TJP1: variants seen among roughly 807,000 people sequenced by gnomAD.
TJP1 encodes tight junction protein ZO-1.
Under a neutral mutation model 194.2 loss-of-function variants are expected in TJP1, and 43 were observed. That is an observed-to-expected ratio of 0.22 (90% CI 0.17 to 0.29). The LOEUF is 0.29. Ranked by LOEUF, TJP1 falls within the 10% of genes least tolerant of loss-of-function variation. The pLI is 1.00. For synonymous variants in TJP1, 801 were observed against 779.0 expected (o/e 1.03, Z -0.47); for missense variants, 1,971 against 2,185.7 (o/e 0.90, Z 1.96).
At chr15:29,719,700 T>TA (rs2042809222) in intron 20 of TJP1, 77 bp downstream of exon 20, 2 of 1,550,046 alleles carry the variant, frequency 1.3e-6, no homozygotes, top group East Asian at 4.5e-5. Flanking sequence ...AAGGAACACT[T>TA]AAAGGGCAAA....
At chr15:29,762,262 A>G (rs879595221) in intron 6 of TJP1, 73 bp downstream of exon 6, 29 of 1,267,516 alleles carry the variant, frequency 2.3e-5, no homozygotes, top group Non-Finnish European at 3.1e-5. Flanking sequence ...TTCAAACAAG[A>G]GCACAGACTA....
At chr15:29,726,732 G>C (rs2043261390) in intron 17 of TJP1, 49 bp downstream of exon 17, 1 of 1,563,136 alleles carries the variant, frequency 6.4e-7, no homozygotes. Context: ...CCTACTTAAT[G>C]TTGCCCAGAC....
chr15:29,822,049 C>T lies in TJP1; in HGVS notation c.-21G>A. On this transcript the variant is annotated 5_prime_UTR_variant, in exon 1 of 28. Coordinates refer to ENST00000614355, the MANE Select transcript of TJP1 (RefSeq NM_001330239.4). ...GACATCTTGTCTCTCTCCAGCGCCGCGCGAGGCTCCTCGGACCCGAAACTC... is the reference window on the plus strand; with the variant it reads ...GACATCTTGTCTCTCTCCAGCGCCGTGCGAGGCTCCTCGGACCCGAAACTC... 7.6e-7 allele frequency: 1 copy of T among 1,307,982 alleles called. No homozygotes were observed. Among genetic ancestry groups the T allele is most frequent in the Non-Finnish European group, 9.7e-7 (1 of 1,027,560 alleles). 81.0% of individuals were successfully genotyped at this position (1,307,982 alleles called of 1,614,324 possible).
chr15:29,721,291 G>A (rs1444931237), intron 18 of TJP1, among the ~76,000 whole-genome samples: 1 of 152,112 alleles, frequency 6.6e-6, no homozygotes, highest in Non-Finnish European at 1.5e-5. Flanking sequence ...CATGGGGGTG[G>A]TTTCTAATGG....
At chr15:29,805,598 G>T (rs546396036) in intron 1 of TJP1, among the ~76,000 whole-genome samples, 1 of 152,178 alleles carries the variant, frequency 6.6e-6, no homozygotes, top group Admixed American at 6.5e-5. Context: ...GCCAAAAAAA[G>T]GTCCCTCTCC....
intron 2 of TJP1, among the ~76,000 whole-genome samples, chr15:29,798,648 G>A (rs1172668738): frequency 3.3e-5 from 5 of 152,036 alleles, no homozygotes; most frequent in Non-Finnish European, 5.9e-5. Flanking sequence ...ATTACCATGG[G>A]ACCCACAGCA....
chr15:29,729,437 C>G (rs779861413), intron 15 of TJP1: 1 of 152,016 alleles, frequency 6.6e-6, no homozygotes, highest in Non-Finnish European at 1.5e-5. Flanking sequence ...CCTTATTCAA[C>G]TTCATTGGCA....
chr15:29,962,282 T>C (rs1490930311), intron 1 of TJP1, among the ~76,000 whole-genome samples: 1 of 152,204 alleles, frequency 6.6e-6, no homozygotes, highest in Non-Finnish European at 1.5e-5. Flanking sequence ...CAGATATTCA[T>C]GCCTTTTGTT....
intron 8 of TJP1, among the ~76,000 whole-genome samples, chr15:29,756,914 A>C (rs898496045): frequency 6.6e-5 from 10 of 152,218 alleles, no homozygotes. Flanking sequence ...GTTAAATACA[A>C]GCAGATAAGA....
intron 8 of TJP1, among the ~76,000 whole-genome samples, chr15:29,748,525 T>G (rs934979736): frequency 1.3e-5 from 2 of 151,596 alleles, no homozygotes; most frequent in Admixed American, 1.3e-4. Context: ...ATTGTGAGGT[T>G]GTGATAATGA....
intron 2 of TJP1, among the ~76,000 whole-genome samples, chr15:29,900,249 G>T (rs1468350231): frequency 6.6e-6 from 1 of 152,200 alleles, no homozygotes. Context: ...AGCTACAGGG[G>T]AAAGAGAAGG....
At chr15:29,801,779 A>T (rs2048806748) in intron 1 of TJP1, among the ~76,000 whole-genome samples, 1 of 152,084 alleles carries the variant, frequency 6.6e-6, no homozygotes, top group Non-Finnish European at 1.5e-5. Context: ...ATTATTATCT[A>T]AGGCAGGGGT....
chr15:29,936,657 T>C (rs1196661284), intron 2 of TJP1, among the ~76,000 whole-genome samples: 2 of 152,174 alleles, frequency 1.3e-5, no homozygotes, highest in Non-Finnish European at 2.9e-5. Context: ...CCAATCAGTG[T>C]CCTGACAAGA....
upstream of TJP1, among the ~76,000 whole-genome samples, chr15:29,825,761 T>G (rs1012359924): frequency 1.3e-5 from 2 of 152,158 alleles, no homozygotes; most frequent in African/African-American, 4.8e-5. Context: ...TACAAAATAT[T>G]AGAAGGAGAA....
At chr15:29,869,253 C>T (rs1266856781) in intron 2 of TJP1, among the ~76,000 whole-genome samples, 1 of 152,152 alleles carries the variant, frequency 6.6e-6, no homozygotes, top group Non-Finnish European at 1.5e-5. Context: ...CTATGCAGGA[C>T]ACAACAGTCA....
In TJP1 at chr15:29,726,492, T is replaced by C; in HGVS notation, c.2312-13A>G. 2 of 1,612,314 alleles carry C rather than the reference T, an allele frequency of 1.2e-6. No homozygotes were observed. The highest frequency in any genetic ancestry group is 2.2e-5 in the South Asian group (2 of 90,988). ...AAGTTAATTGTAGCTGAAAATAAAT[T>C]AACGATGTAGTTTTATGGTTAGAGC... On this transcript the variant is annotated splice_polypyrimidine_tract_variant and intron_variant, in intron 17 of 27. Transcript: ENST00000614355.
Position 29,834,423 on chromosome 15 carries a change from G to A in TJP1, c.307-33721C>T, listed in dbSNP as rs182581766. ...TTGGTAGAGACAGAGTTTCACCATCGTGGCCAGGCTGTTCTTGAACTCCTG... is the reference window on the plus strand; with the variant it reads ...TTGGTAGAGACAGAGTTTCACCATCATGGCCAGGCTGTTCTTGAACTCCTG... On this transcript the variant is annotated intron_variant, in intron 2 of 28. Coordinates refer to the TJP1 transcript ENST00000356107. 5.2e-4 allele frequency among the ~76,000 whole-genome samples: 79 copies of A among 151,738 alleles called. No individual in the cohort carries two copies. In the East Asian group the frequency reaches 7.1e-3, roughly 14 times the overall value.
intron 2 of TJP1, among the ~76,000 whole-genome samples, chr15:29,845,044 G>C (rs187543165): frequency 6.6e-6 from 1 of 152,264 alleles, no homozygotes; most frequent in East Asian, 1.9e-4. Flanking sequence ...ACCGTGACCT[G>C]TGTCAAATGC....
intron 2 of TJP1, among the ~76,000 whole-genome samples, chr15:29,789,930 T>C (rs927238713): frequency 1.3e-5 from 2 of 152,182 alleles, no homozygotes; most frequent in Non-Finnish European, 2.9e-5. Context: ...CTGAAGCCTA[T>C]TTAAAATACG....
Sources: gnomAD v4.1 joint callset for allele counts (sites outside exome capture counted in the v4.1 genomes callset) on GRCh38, gnomAD v4.1.1 for gene constraint, MANE v1.5 for transcripts, NCBI Gene and HGNC (gene_info 2026-07-23, HGNC 2026-07-21) for gene names.